Variants in LCORL observed in about 807,000 individuals in gnomAD.
LCORL encodes ligand dependent nuclear receptor corepressor like, also known as ligand-dependent nuclear receptor corepressor-like protein.
A neutral mutation model predicts 141.8 loss-of-function variants in LCORL; 41 were observed. The ratio of observed to expected loss-of-function variants is 0.29; its 90% confidence interval spans 0.23 to 0.38. The LOEUF (loss-of-function observed/expected upper bound fraction) is 0.38, where lower values mean the gene tolerates loss of function less well. LCORL is among the 10% of genes least tolerant of loss of function. The probability of loss-of-function intolerance (pLI) is 1.00; values close to 1 mark genes in which losing one functional copy is unlikely to be tolerated. For synonymous variants in LCORL, 618 were observed against 694.1 expected, an observed-to-expected ratio of 0.89 and a Z score of 1.72; for missense variants, 1,759 against 2,035.0, an observed-to-expected ratio of 0.86 and a Z score of 2.61.
intron 1 of LCORL, among the ~76,000 whole-genome samples, chr4:18,007,321 A>G (rs1238163379): frequency 1.3e-5 from 2 of 152,222 alleles, no homozygotes; most frequent in African/African-American, 4.8e-5. Context: ...CCTAATCCAC[A>G]GTAAAATAAT....
At chr4:17,883,045 T>C (rs1727786974) in intron 6 of LCORL, 1 of 978,214 alleles carries the variant, frequency 1.0e-6, no homozygotes, top group Non-Finnish European at 1.2e-6. Context: ...TTTTAAAGTA[T>C]ATACCTTATA....
At chr4:17,923,604 C>A (rs1024093258) in intron 4 of LCORL, among the ~76,000 whole-genome samples, 2 of 152,232 alleles carry the variant, frequency 1.3e-5, no homozygotes, top group Admixed American at 6.5e-5. Context: ...CGAGATTGTG[C>A]CACTGGACTC....
chr4:17,907,274 G>A (rs1731792299), intron 5 of LCORL, among the ~76,000 whole-genome samples: 1 of 152,176 alleles, frequency 6.6e-6, no homozygotes, highest in South Asian at 2.1e-4. Flanking sequence ...GGGGTAGACA[G>A]TGCGGTGAGA....
chr4:18,011,429 T>TAAAA (rs1301468567), intron 1 of LCORL, among the ~76,000 whole-genome samples: 4 of 134,234 alleles, frequency 3.0e-5, no homozygotes, highest in African/African-American at 1.1e-4. Flanking sequence ...TTACCCATTT[T>TAAAA]AAAAAAAAAA....
intron 1 of LCORL, among the ~76,000 whole-genome samples, chr4:17,973,780 T>C (rs1223106567): frequency 1.3e-5 from 2 of 152,010 alleles, no homozygotes; most frequent in African/African-American, 4.8e-5. Context: ...TCATAAGTTA[T>C]AAGATGCTTT....
chr4:17,961,973 C>G, exon 4 of LCORL: 2 of 1,609,434 alleles, frequency 1.2e-6, no homozygotes, highest in South Asian at 2.2e-5. Flanking sequence ...TGGACTGGCC[C>G]TGAGATGATA....
exon 8 of LCORL, chr4:17,843,693 G>T: frequency 3.9e-6 from 1 of 254,190 alleles, no homozygotes; most frequent in South Asian, 8.0e-5. Context: ...CTCTCCAAGT[G>T]ATTCTTATGA....
rs558577808 is a variant in LCORL at position 17,879,850 on chromosome 4, A to T, written c.777-1637T>A. ...TTCTTGGAAAAATATGTTGTATTTTAACGATTAATAATTGTTTATAACTCT... is the reference window on the plus strand; with the variant it reads ...TTCTTGGAAAAATATGTTGTATTTTTACGATTAATAATTGTTTATAACTCT... On this transcript the variant is annotated intron_variant, in intron 6 of 7. Transcript: ENST00000635767. 1.2e-4 allele frequency among the ~76,000 whole-genome samples: 18 copies of T among 151,146 alleles called. No homozygotes were observed. The South Asian group carries it at 3.5e-3, about 30-fold the overall frequency.
At chr4:18,005,444 G>A (rs907199522) in intron 1 of LCORL, among the ~76,000 whole-genome samples, 5 of 152,096 alleles carry the variant, frequency 3.3e-5, no homozygotes, top group East Asian at 3.9e-4. Context: ...TCTGAAGGAC[G>A]ATGGCCCTCT....
At chr4:17,863,118 C>T (rs182526065) in intron 7 of LCORL, among the ~76,000 whole-genome samples, 2 of 152,254 alleles carry the variant, frequency 1.3e-5, no homozygotes, top group East Asian at 3.9e-4. Flanking sequence ...GAGTTCGAGA[C>T]CAGCCCGGTC....
chr4:17,844,423 C>G (rs972016964), exon 8 of LCORL: 22 of 152,392 alleles, frequency 1.4e-4, no homozygotes, highest in African/African-American at 5.1e-4. Flanking sequence ...AGGCCATTTA[C>G]TTAAGGTGAA....
At chr4:18,008,392 A>T (rs1038703635) in intron 1 of LCORL, among the ~76,000 whole-genome samples, 10 of 152,306 alleles carry the variant, frequency 6.6e-5, no homozygotes, top group African/African-American at 2.4e-4. Context: ...AACCCAGAAT[A>T]CTTTTTCCCA....
At chr4:17,927,136 G>A (rs1735275460) in intron 4 of LCORL, among the ~76,000 whole-genome samples, 1 of 152,208 alleles carries the variant, frequency 6.6e-6, no homozygotes, top group African/African-American at 2.4e-5. Context: ...ATCAGCACTT[G>A]CTGCTTCACC....
chr4:17,881,195 A>T (rs985246079), intron 6 of LCORL: 25 of 981,694 alleles, frequency 2.5e-5, no homozygotes, highest in Non-Finnish European at 2.9e-5. Flanking sequence ...AGGAACATTC[A>T]AATAAGTAGA....
intron 4 of LCORL, among the ~76,000 whole-genome samples, chr4:17,922,925 T>C (rs1484560617): frequency 6.6e-6 from 1 of 152,152 alleles, no homozygotes; most frequent in African/African-American, 2.4e-5. Flanking sequence ...TCCACCTTTG[T>C]CTGAGGAGAT....
chr4:17,973,702 G>T (rs1023619978), intron 1 of LCORL, among the ~76,000 whole-genome samples: 1 of 151,620 alleles, frequency 6.6e-6, no homozygotes, highest in East Asian at 1.9e-4. Context: ...ATAAATCAAA[G>T]AAAAAGTAGA....
chr4:17,843,287 T>C (rs1294854967), exon 8 of LCORL: 1 of 1,601,638 alleles, frequency 6.2e-7, no homozygotes, highest in South Asian at 1.1e-5. Context: ...TCGTGTATTT[T>C]CAACATCTAT....
chr4:18,000,123 GTTCT>G (rs1393452810), intron 1 of LCORL, among the ~76,000 whole-genome samples: 5 of 129,740 alleles, frequency 3.9e-5, no homozygotes, highest in Non-Finnish European at 7.9e-5. Flanking sequence ...TAGATTTGTG[GTTCT>G]TTTTTTTTTT....
In LCORL at chr4:17,892,945, T is replaced by C. The variant is rs566119998; in HGVS notation, c.683-6784A>G. Among the ~76,000 whole-genome samples, 6 of 152,368 alleles carry C rather than the reference T, an allele frequency of 3.9e-5. No individual in the cohort carries two copies. In the South Asian group the frequency reaches 1.2e-3, roughly 32 times the overall value. On this transcript the variant is annotated intron_variant, in intron 5 of 7. Coordinates refer to ENST00000635767, the Ensembl canonical transcript of LCORL. ...ATTTAAAACATGGTTTGTATACTTA[T>C]TGCAACATCATAGTGGAAGACTTTA...
Sources: gnomAD v4.1 joint callset for allele counts (sites outside exome capture counted in the v4.1 genomes callset) on GRCh38, gnomAD v4.1.1 for gene constraint, MANE v1.5 for transcripts, NCBI Gene and HGNC (gene_info 2026-07-23, HGNC 2026-07-21) for gene names.